CARMIL1: variants seen among roughly 807,000 people sequenced by gnomAD.
The protein encoded by CARMIL1 is capping protein regulator and myosin 1 linker 1, also known as F-actin-uncapping protein LRRC16A.
CARMIL1 carries 90 observed loss-of-function variants against 177.1 expected under a neutral mutation model. The ratio of observed to expected loss-of-function variants is 0.51; its 90% CI spans 0.43 to 0.61. The LOEUF is 0.61. CARMIL1 is among the 20% of genes least tolerant of loss of function. The pLI is 0.00. For synonymous variants in CARMIL1, 577 were observed against 606.2 expected, an observed-to-expected ratio of 0.95 and a Z score of 0.71; for missense variants, 1,380 against 1,667.0, an observed-to-expected ratio of 0.83 and a Z score of 3.00.
At chr6:25,473,380 T>C (rs1801250999) in intron 11 of CARMIL1, among the ~76,000 whole-genome samples, 1 of 152,162 alleles carries the variant, frequency 6.6e-6, no homozygotes, top group South Asian at 2.1e-4. Flanking sequence ...TAACTACTAA[T>C]AGCAGGGTTG....
intron 17 of CARMIL1, among the ~76,000 whole-genome samples, chr6:25,502,047 G>C (rs761211476): frequency 6.7e-6 from 1 of 148,382 alleles, no homozygotes; most frequent in Admixed American, 6.7e-5. Flanking sequence ...CTAACCTTGC[G>C]TTGTGGAATT....
chr6:25,606,225 G>GCAGCACGGCCCGTCA lies in CARMIL1; in HGVS notation c.3800_3814dup (p.Val1271_Ile1272insThrAlaArgProVal). ...CCTGCAGTCCCCCAAACCCAGTCTGGCAGCACGGCCCGTCATCCCGCAGAA... is the reference window on the plus strand; with the variant it reads ...CCTGCAGTCCCCCAAACCCAGTCTGGCAGCACGGCCCGTCACAGCACGGCCCGTCATCCCGCAGAA... On this transcript the variant is annotated inframe_insertion, in exon 35 of 37. Coordinates refer to ENST00000329474, the MANE Select transcript of CARMIL1 (RefSeq NM_017640.6). 1 of 1,613,892 alleles carries GCAGCACGGCCCGTCA rather than the reference G, an allele frequency of 6.2e-7. No individual in the cohort carries two copies. The highest frequency in any genetic ancestry group is 1.3e-5 in the African/African-American group (1 of 75,010).
At chr6:25,454,031 AT>A (rs1799249084) in intron 8 of CARMIL1, among the ~76,000 whole-genome samples, 2 of 152,256 alleles carry the variant, frequency 1.3e-5, no homozygotes. Context: ...GGGAAACTAT[AT>A]TTAAATAAGC....
rs368493459 is a variant in CARMIL1 at position 25,304,595 on chromosome 6, A to G, written c.138+19686A>G. ...TGCCTTGGCTGATCTGACAGGAGGCAGAACTCAGGTGGTAATGTTTGGTCA... is the reference window on the plus strand; with the variant it reads ...TGCCTTGGCTGATCTGACAGGAGGCGGAACTCAGGTGGTAATGTTTGGTCA... On this transcript the variant is annotated intron_variant, in intron 2 of 36. Transcript: ENST00000329474. 5.3e-5 allele frequency among the ~76,000 whole-genome samples: 8 copies of G among 152,294 alleles called. No homozygotes were observed. In the South Asian group the frequency reaches 1.2e-3, roughly 24 times the overall value.
At chr6:25,521,880 A>G (rs1418751960) in intron 23 of CARMIL1, among the ~76,000 whole-genome samples, 1 of 151,038 alleles carries the variant, frequency 6.6e-6, no homozygotes, top group African/African-American at 2.4e-5. Flanking sequence ...GTTGTTAGGG[A>G]GTTTAGAGCT....
At chr6:25,429,615 A>T (rs543557674) in intron 4 of CARMIL1, among the ~76,000 whole-genome samples, 3 of 152,226 alleles carry the variant, frequency 2.0e-5, no homozygotes, top group East Asian at 3.9e-4. Flanking sequence ...TTTAAAATAG[A>T]TGCCCTTTAT....
chr6:25,353,313 T>C (rs1788290940), intron 2 of CARMIL1, among the ~76,000 whole-genome samples: 1 of 152,216 alleles, frequency 6.6e-6, no homozygotes, highest in Non-Finnish European at 1.5e-5. Context: ...ATCCCTATTA[T>C]TCAGATGATA....
intron 2 of CARMIL1, among the ~76,000 whole-genome samples, chr6:25,357,076 GTT>G (rs35891455): frequency 6.9e-5 from 9 of 131,108 alleles, no homozygotes; most frequent in Admixed American, 1.5e-4. Flanking sequence ...AAGTCATTGT[GTT>G]TTTTTTTTTT....
chr6:25,602,572 G>A (rs919975348), intron 33 of CARMIL1, among the ~76,000 whole-genome samples: 3 of 152,038 alleles, frequency 2.0e-5, no homozygotes, highest in Admixed American at 6.6e-5. Context: ...ATCTGTTAGC[G>A]CCATCTAGTG....
chr6:25,491,798 T>A lies in CARMIL1; in HGVS notation c.1132T>A (p.Ser378Thr). The A allele has an allele frequency of 6.3e-7, 1 of 1,595,344 alleles. No individual in the cohort carries two copies. The highest frequency in any genetic ancestry group is 1.1e-5 in the South Asian group (1 of 88,032). The change falls in exon 14 of 37, where the codon TCC becomes ACC. Residue 378 changes from serine (S) to threonine (T), a missense_variant. Coordinates refer to ENST00000329474, the MANE Select transcript of CARMIL1 (RefSeq NM_017640.6). ...VHLDLSNTEC[S>T]LDMVCGALLR... ...TCTGGATTTATCCAATACAGAATGT[T>A]CCCTGGACATGGTAAATTTAAAATA...
rs372173759 is a variant in CARMIL1, at chr6:25,581,339, G to T, written c.2906G>T (p.Gly969Val). ...PSLRQEKRSS[G>V]FISELPSEEG... Reference sequence around the variant, plus strand: ...CTCAGACAGGAGAAGCGGAGCTCGGGATTTATCTCTGAGTTGCCCTCTGAA... The same window carrying T: ...CTCAGACAGGAGAAGCGGAGCTCGGTATTTATCTCTGAGTTGCCCTCTGAA... Residue 969 changes from glycine to valine, a missense_variant, in exon 31 of 37, where the codon GGA becomes GTA. Coordinates refer to ENST00000329474, the MANE Select transcript of CARMIL1 (RefSeq NM_017640.6). 68 of 1,613,708 alleles carry T rather than the reference G, an allele frequency of 4.2e-5. No individual in the cohort carries two copies. Among genetic ancestry groups the T allele is most frequent in the Non-Finnish European group, 5.5e-5 (65 of 1,179,834 alleles).
intron 2 of CARMIL1, among the ~76,000 whole-genome samples, chr6:25,301,378 C>T (rs1246038859): frequency 6.6e-6 from 1 of 152,132 alleles, no homozygotes; most frequent in African/African-American, 2.4e-5. Flanking sequence ...CTTTTAGAAT[C>T]GAAGTTGAGT....
intron 11 of CARMIL1, among the ~76,000 whole-genome samples, chr6:25,476,875 G>A (rs965898019): frequency 6.6e-6 from 1 of 152,048 alleles, no homozygotes; most frequent in African/African-American, 2.4e-5. Context: ...CGGATCATGA[G>A]GTCAGGAGAT....
At chr6:25,424,294 C>T (rs1796109053) in intron 3 of CARMIL1, among the ~76,000 whole-genome samples, 1 of 152,194 alleles carries the variant, frequency 6.6e-6, no homozygotes, top group Non-Finnish European at 1.5e-5. Flanking sequence ...AGTCATTCTT[C>T]AGGGCCTAGA....
chr6:25,310,348 T>C (rs1043809794), intron 2 of CARMIL1, among the ~76,000 whole-genome samples: 1 of 152,174 alleles, frequency 6.6e-6, no homozygotes, highest in Non-Finnish European at 1.5e-5. Context: ...AAGCTGCGGC[T>C]TGAGAGATAG....
chr6:25,609,944 C>A, intron 35 of CARMIL1, 106 bp from the exon 36 acceptor site: 6 of 1,298,912 alleles, frequency 4.6e-6, no homozygotes, highest in Non-Finnish European at 6.2e-6. Context: ...TTCTATGATG[C>A]TTTATTTTTT....
At position 25,314,542 on chromosome 6, in the gene CARMIL1, A is replaced by T. The variant is rs542610748; in HGVS notation, c.138+29633A>T. On this transcript the variant is annotated intron_variant, in intron 2 of 36. Coordinates refer to ENST00000329474, the MANE Select transcript of CARMIL1 (RefSeq NM_017640.6). Reference sequence around the variant, plus strand: ...CATACATACACATATATACGTATACATACACATACATATATATGTATGTAT... The same window carrying T: ...CATACATACACATATATACGTATACTTACACATACATATATATGTATGTAT... Among the ~76,000 whole-genome samples the T allele has an allele frequency of 3.2e-4, 48 of 151,966 alleles. No homozygotes were observed. The South Asian group carries it at 9.4e-3, about 30-fold the overall frequency.
At chr6:25,449,852 C>A in intron 5 of CARMIL1, 46 bp from the exon 6 acceptor site, 2 of 1,185,210 alleles carry the variant, frequency 1.7e-6, no homozygotes, top group South Asian at 1.4e-5. Flanking sequence ...TATGTGCAGT[C>A]AAAAAGTGTG....
In CARMIL1 at chr6:25,600,532, C is replaced by T; in HGVS notation, c.3338C>T (p.Ala1113Val). ...GACTGTCCCAGGAAGGACACAAAGGCCGCCGAGCACAATGGCAATTCTGAA... is the reference window on the plus strand; with the variant it reads ...GACTGTCCCAGGAAGGACACAAAGGTCGCCGAGCACAATGGCAATTCTGAA... Reference protein sequence around the residue: ...PVDCPRKDTKAAEHNGNSERI... With the variant: ...PVDCPRKDTKVAEHNGNSERI... Residue 1113 changes from alanine (A) to valine (V), a missense_variant, in exon 33 of 37, where the codon GCC (alanine) becomes GTC (valine). Coordinates refer to ENST00000329474, the MANE Select transcript of CARMIL1 (RefSeq NM_017640.6). 4.3e-6 allele frequency: 7 copies of T among 1,614,026 alleles called. No homozygotes were observed. Among genetic ancestry groups the T allele is most frequent in the Non-Finnish European group, 5.9e-6 (7 of 1,179,884 alleles).
Sources: gnomAD v4.1 joint callset for allele counts (sites outside exome capture counted in the v4.1 genomes callset) on GRCh38, gnomAD v4.1.1 for gene constraint, MANE v1.5 for transcripts, NCBI Gene and HGNC (gene_info 2026-07-23, HGNC 2026-07-21) for gene names.